Variants in MCPH1 observed in about 807,000 individuals in gnomAD.
The protein encoded by MCPH1 is microcephalin.
Under a neutral mutation model 84.5 loss-of-function variants are expected in MCPH1, and 104 were observed. The ratio of observed to expected loss-of-function variants is 1.23; its 90% CI spans 1.05 to 1.45. MCPH1 has a LOEUF of 1.45. Ranked by LOEUF, MCPH1 falls within the 40% of genes most tolerant of loss-of-function variation. The pLI is 0.00. For synonymous variants in MCPH1, 514 were observed against 366.8 expected, an observed-to-expected ratio of 1.40 and a Z score of -4.58; for missense variants, 1,498 against 1,005.7, an observed-to-expected ratio of 1.49 and a Z score of -6.62.
chr8:6,592,625 T>C (rs1193198250), intron 12 of MCPH1, among the ~76,000 whole-genome samples: 20 of 79,850 alleles, frequency 2.5e-4, no homozygotes, highest in Non-Finnish European at 4.3e-4. Context: ...TTTTTTTTGT[T>C]TTTTTTTTTT....
intron 12 of MCPH1, among the ~76,000 whole-genome samples, chr8:6,543,161 A>G (rs1475840993): frequency 6.6e-6 from 1 of 152,026 alleles, no homozygotes; most frequent in African/African-American, 2.4e-5. Context: ...AGCACCCAAA[A>G]AGTTGAAAGA....
intron 13 of MCPH1, among the ~76,000 whole-genome samples, chr8:6,633,908 T>C (rs1797346808): frequency 6.6e-6 from 1 of 152,168 alleles, no homozygotes; most frequent in Non-Finnish European, 1.5e-5. Flanking sequence ...TAATTTATGT[T>C]TATCAATAGC....
intron 12 of MCPH1, among the ~76,000 whole-genome samples, chr8:6,605,922 C>A (rs1302440448): frequency 6.6e-6 from 1 of 152,178 alleles, no homozygotes; most frequent in Non-Finnish European, 1.5e-5. Context: ...GTCTCGAATG[C>A]CTGACCTCAA....
chr8:6,514,874 C>T, intron 12 of MCPH1: 2 of 1,017,386 alleles, frequency 2.0e-6, no homozygotes, highest in Non-Finnish European at 1.5e-6. Context: ...GTGCAGGACT[C>T]AGCCGAGAGG....
chr8:6,437,826 C>T (rs1034829781), intron 5 of MCPH1, among the ~76,000 whole-genome samples: 1 of 152,134 alleles, frequency 6.6e-6, no homozygotes, highest in Non-Finnish European at 1.5e-5. Context: ...TCTGTTTTCT[C>T]CTTCCCTCCT....
chr8:6,614,286 A>G (rs1830581391), intron 12 of MCPH1, among the ~76,000 whole-genome samples: 1 of 152,320 alleles, frequency 6.6e-6, no homozygotes, highest in East Asian at 1.9e-4. Context: ...ACGATGGAAG[A>G]CGGTCAGGTG....
At chr8:6,603,924 A>G (rs2515548) in intron 12 of MCPH1, among the ~76,000 whole-genome samples, 143,338 of 152,188 alleles carry the variant, frequency 0.94, 68,126 homozygotes, top group East Asian at 1. Flanking sequence ...CAGTTTCAAA[A>G]ATAATTTGGT....
chr8:6,491,599 A>G (rs2515592), intron 11 of MCPH1, among the ~76,000 whole-genome samples: 37,617 of 151,580 alleles, frequency 0.25, 4,780 homozygotes, highest in Middle Eastern at 0.33. Flanking sequence ...AGCATTAGGT[A>G]TATCTCCTAA....
chr8:6,550,080 T>C (rs1347239978), intron 12 of MCPH1, among the ~76,000 whole-genome samples: 1 of 152,192 alleles, frequency 6.6e-6, no homozygotes, highest in Middle Eastern at 3.2e-3. Context: ...ACCCTTTATT[T>C]CTACAACGCT....
intron 12 of MCPH1, among the ~76,000 whole-genome samples, chr8:6,543,858 G>A (rs1255424639): frequency 1.3e-5 from 2 of 152,126 alleles, no homozygotes; most frequent in Admixed American, 6.5e-5. Context: ...TTAAGGAGCT[G>A]TACATCTGCC....
intron 9 of MCPH1, among the ~76,000 whole-genome samples, chr8:6,467,506 C>T (rs559329920): frequency 6.6e-6 from 1 of 152,210 alleles, no homozygotes; most frequent in East Asian, 1.9e-4. Flanking sequence ...CACTTTACTT[C>T]CTCAGGTGAA....
chr8:6,496,585 C>A (rs912802925), intron 11 of MCPH1, among the ~76,000 whole-genome samples: 1 of 151,332 alleles, frequency 6.6e-6, no homozygotes, highest in Non-Finnish European at 1.5e-5. Context: ...CTTAGTACCA[C>A]AACTGCAGTT....
intron 12 of MCPH1, among the ~76,000 whole-genome samples, chr8:6,576,067 A>G (rs7839389): frequency 0.1 from 15,620 of 149,616 alleles, 1,172 homozygotes; most frequent in African/African-American, 0.2. Flanking sequence ...AAAAAAAAAA[A>G]AGTAATAGGA....
intron 12 of MCPH1, among the ~76,000 whole-genome samples, chr8:6,521,748 G>T (rs1011112956): frequency 1.3e-5 from 2 of 152,224 alleles, no homozygotes; most frequent in Admixed American, 1.3e-4. Context: ...GCTCTTTCAA[G>T]CTTAGTGCTC....
chr8:6,559,696 TC>T (rs577888871), intron 12 of MCPH1, among the ~76,000 whole-genome samples: 2 of 152,360 alleles, frequency 1.3e-5, no homozygotes, highest in South Asian at 2.1e-4. Flanking sequence ...TCCTGTGGTC[TC>T]CTAGCAAAAT....
intron 12 of MCPH1, among the ~76,000 whole-genome samples, chr8:6,559,203 A>G (rs1403947030): frequency 2.0e-5 from 3 of 148,074 alleles, no homozygotes; most frequent in African/African-American, 7.5e-5. Flanking sequence ...ATATACAGCT[A>G]TTGAGTGTTT....
At chr8:6,641,928 T>G (rs1243511593) in intron 13 of MCPH1, among the ~76,000 whole-genome samples, 3 of 152,144 alleles carry the variant, frequency 2.0e-5, no homozygotes, top group Admixed American at 6.5e-5. Flanking sequence ...CATCTGAGGG[T>G]CCCTCACTGA....
At chr8:6,519,607 G>C (rs968829468) in intron 12 of MCPH1, among the ~76,000 whole-genome samples, 4 of 152,206 alleles carry the variant, frequency 2.6e-5, no homozygotes, top group Non-Finnish European at 5.9e-5. Context: ...CAAAATGCAA[G>C]GAGAATGTAT....
chr8:6,521,895 C>T (rs1817408523), intron 12 of MCPH1, among the ~76,000 whole-genome samples: 1 of 152,170 alleles, frequency 6.6e-6, no homozygotes, highest in African/African-American at 2.4e-5. Flanking sequence ...GTGAGAAATA[C>T]TCCTTCATGG....
Sources: allele counts gnomAD v4.1 joint callset (sites outside exome capture counted in the v4.1 genomes callset), GRCh38; gene constraint gnomAD v4.1.1; transcripts MANE v1.5; gene names NCBI Gene and HGNC (gene_info 2026-07-23, HGNC 2026-07-21).